Variants in GSTA3 observed in about 807,000 individuals in gnomAD.
GSTA3 encodes glutathione S-transferase alpha 3.
In GSTA3, 16 loss-of-function variants were observed where a neutral mutation model predicts 23.1. The observed-to-expected ratio is 0.69, with a 90% confidence interval of 0.47 to 1.05. GSTA3 has a LOEUF of 1.05. Ranked by LOEUF, GSTA3 falls within the 50% of genes least tolerant of loss-of-function variation. The pLI, the probability that GSTA3 is intolerant of heterozygous loss-of-function variation, is 0.00. For synonymous variants in GSTA3, 122 were observed against 91.0 expected, an observed-to-expected ratio of 1.34 and a Z score of -1.94; for missense variants, 319 against 263.6, an observed-to-expected ratio of 1.21 and a Z score of -1.46.
Position 52,902,429 on chromosome 6 carries a change from C to T in GSTA3, c.189G>A (p.Met63Ile), listed in dbSNP as rs17851798. Residue 63 changes from methionine to isoleucine, a missense_variant, in exon 4 of 7, where the codon ATG becomes ATA. By Grantham distance (10) the Met-to-Ile change is conservative (BLOSUM62 1). Transcript: ENST00000211122. ...GAATGGCTCTGGTCTGTACCAACTTCATCCCATCAATCTCAACCATTGGTA... is the reference window on the plus strand; with the variant it reads ...GAATGGCTCTGGTCTGTACCAACTTTATCCCATCAATCTCAACCATTGGTA... ...QQVPMVEIDG[M>I]KLVQTRAILN... 1 of 1,613,902 alleles carries T rather than the reference C, an allele frequency of 6.2e-7. No homozygotes were observed. Among genetic ancestry groups the T allele is most frequent in the Admixed American group, 1.7e-5 (1 of 60,020 alleles).
chr6:52,909,146 T>A (rs2127366219), intron 1 of GSTA3, among the ~76,000 whole-genome samples: 1 of 152,342 alleles, frequency 6.6e-6, no homozygotes, highest in Non-Finnish European at 1.5e-5. Flanking sequence ...CATTGGTGAT[T>A]GGTTTCCCAT....
chr6:52,902,284 C>G (rs943302175), intron 4 of GSTA3, 62 bp downstream of exon 4: 1 of 1,602,616 alleles, frequency 6.2e-7, no homozygotes, highest in East Asian at 2.2e-5. Context: ...CTCACCCACT[C>G]AAGGAAGGAC....
chr6:52,907,747 T>A (rs530836498), intron 1 of GSTA3, among the ~76,000 whole-genome samples: 1 of 147,756 alleles, frequency 6.8e-6, no homozygotes, highest in East Asian at 2.0e-4. Context: ...CACCGCATGT[T>A]CTCACTCATA....
chr6:52,908,369 G>A (rs529564107), intron 1 of GSTA3, among the ~76,000 whole-genome samples: 2 of 152,158 alleles, frequency 1.3e-5, no homozygotes, highest in Admixed American at 6.5e-5. Context: ...AAAAAAATTA[G>A]CCAGGATTGG....
At chr6:52,901,954 C>T (rs550766835) in intron 4 of GSTA3, among the ~76,000 whole-genome samples, 1 of 152,312 alleles carries the variant, frequency 6.6e-6, no homozygotes, top group South Asian at 2.1e-4. Flanking sequence ...AGCTTCTTTG[C>T]AGTCTTCCCT....
At chr6:52,902,145 T>A (rs1765707318) in intron 4 of GSTA3, among the ~76,000 whole-genome samples, 1 of 152,180 alleles carries the variant, frequency 6.6e-6, no homozygotes, top group African/African-American at 2.4e-5. Context: ...CATCCTCTTC[T>A]AGAATCACAC....
intron 2 of GSTA3, among the ~76,000 whole-genome samples, chr6:52,904,277 A>G (rs1239019664): frequency 6.6e-6 from 1 of 152,050 alleles, no homozygotes; most frequent in Admixed American, 6.5e-5. Flanking sequence ...GGTGTGACCC[A>G]CTGCTCCTGG....
intron 1 of GSTA3, 26 bp from the exon 2 acceptor site, chr6:52,905,881 A>G: frequency 8.9e-7 from 1 of 1,122,454 alleles, no homozygotes; most frequent in Non-Finnish European, 1.3e-6. Flanking sequence ...GAATGCATGA[A>G]TGGATGAATG....
intron 1 of GSTA3, among the ~76,000 whole-genome samples, chr6:52,908,177 A>G (rs1581872779): frequency 7.6e-6 from 1 of 131,426 alleles, no homozygotes; most frequent in African/African-American, 2.9e-5. Flanking sequence ...TTTTTTTGCC[A>G]TTTGCCTATA....
intron 3 of GSTA3, 83 bp downstream of exon 3, chr6:52,903,593 T>TGA: frequency 1.2e-5 from 8 of 680,450 alleles, no homozygotes; most frequent in South Asian, 1.7e-5. Context: ...CGAGACTCCG[T>TGA]CAAAAAAAAA....
At chr6:52,904,733 G>A (rs45586633) in intron 2 of GSTA3, among the ~76,000 whole-genome samples, 4,708 of 152,276 alleles carry the variant, frequency 0.031, 107 homozygotes, top group Admixed American at 0.051. Context: ...ACTGGGAAGT[G>A]TTTTTCTCAG....
At chr6:52,906,373 C>G (rs947275128) in intron 1 of GSTA3, among the ~76,000 whole-genome samples, 12 of 152,150 alleles carry the variant, frequency 7.9e-5, no homozygotes, top group African/African-American at 2.9e-4. Flanking sequence ...TAGTTTCTTC[C>G]TGTTATGCCT....
chr6:52,902,283 T>C, intron 4 of GSTA3, 63 bp downstream of exon 4: 1 of 1,601,502 alleles, frequency 6.2e-7, no homozygotes, highest in African/African-American at 1.3e-5. Context: ...TCTCACCCAC[T>C]CAAGGAAGGA....
chr6:52,896,707 C>A lies in GSTA3; in HGVS notation c.*99G>T. 7.2e-7 allele frequency: 1 copy of A among 1,397,028 alleles called. No individual in the cohort carries two copies. Among genetic ancestry groups the A allele is most frequent in the Non-Finnish European group, 9.9e-7 (1 of 1,007,338 alleles). The allele number at this position is 1,397,028 out of a possible 1,614,324, so 86.5% of individuals were successfully genotyped here. A position where few individuals can be genotyped will look rare whatever the true frequency, so the allele number is the denominator to read the frequency against. On this transcript the variant is annotated 3_prime_UTR_variant, in exon 7 of 7. Transcript: ENST00000211122. The stretch of plus-strand genomic sequence containing the variant: ...CATATAATTGGAAAGGGTTCATTAG[C>A]TTTACAACAGGCACAATCAACACTT...
At chr6:52,906,937 G>A (rs1765909080) in intron 1 of GSTA3, among the ~76,000 whole-genome samples, 1 of 149,736 alleles carries the variant, frequency 6.7e-6, no homozygotes, top group South Asian at 2.1e-4. Flanking sequence ...CAAAAGCAAT[G>A]GCAACAAAAG....
chr6:52,905,602 T>A (rs1765864152), intron 2 of GSTA3, 146 bp downstream of exon 2: 1 of 507,226 alleles, frequency 2.0e-6, no homozygotes, highest in African/African-American at 2.1e-5. Context: ...TGGTAAAATT[T>A]GTCCATTTTA....
intron 2 of GSTA3, 81 bp from the exon 3 acceptor site, chr6:52,903,808 T>C: frequency 1.3e-6 from 1 of 776,626 alleles, no homozygotes; most frequent in Non-Finnish European, 2.2e-6. Flanking sequence ...GGCCTCCATC[T>C]GGTACATAAT....
At chr6:52,906,941 A>T (rs201458077) in intron 1 of GSTA3, among the ~76,000 whole-genome samples, 37,984 of 149,116 alleles carry the variant, frequency 0.25, 5,332 homozygotes, top group Non-Finnish European at 0.32. Flanking sequence ...AGCAATGGCA[A>T]CAAAAGCCAA....
chr6:52,903,024 T>C (rs573475696), intron 3 of GSTA3, among the ~76,000 whole-genome samples: 223 of 152,296 alleles, frequency 1.5e-3, no homozygotes, highest in Admixed American at 2.2e-3. Flanking sequence ...CATGTTCTTG[T>C]GTGTCCTTGG....
Sources: allele counts gnomAD v4.1 joint callset (sites outside exome capture counted in the v4.1 genomes callset), GRCh38; gene constraint gnomAD v4.1.1; transcripts MANE v1.5; gene names NCBI Gene and HGNC (gene_info 2026-07-23, HGNC 2026-07-21).